The following INPPL1 variants were observed in gnomAD, a reference collection of about 807,000 sequenced individuals.
INPPL1 encodes the protein phosphatidylinositol 3,4,5-trisphosphate 5-phosphatase 2.
Under a neutral mutation model 139.3 loss-of-function variants are expected in INPPL1, and 91 were observed. The ratio of observed to expected loss-of-function variants is 0.65; its 90% CI spans 0.55 to 0.78. The LOEUF (loss-of-function observed/expected upper bound fraction) is 0.78. Among genes scored for constraint, INPPL1 ranks in the 30% least tolerant of loss-of-function variants. The pLI is 0.00. For missense variants in INPPL1, 1,411 were observed against 1,665.6 expected, an observed-to-expected ratio of 0.85 and a Z score of 2.66; for synonymous variants, 719 against 686.6, an observed-to-expected ratio of 1.05 and a Z score of -0.74.
At position 72,238,116 on chromosome 11, in the gene INPPL1, CTTGG is replaced by C; in HGVS notation, c.3628_3631del (p.Leu1210SerfsTer57). The C allele has an allele frequency of 1.3e-6, 2 of 1,581,190 alleles. No homozygotes were observed. Among genetic ancestry groups the C allele is most frequent in the Non-Finnish European group, 1.7e-6 (2 of 1,163,850 alleles). ...TGAGTGCCTGGCTGCGGGCCATCGGCTTGGAGCGCTATGAGGAGGGCCTGGTGCA... is the reference window on the plus strand; with the variant it reads ...TGAGTGCCTGGCTGCGGGCCATCGGCAGCGCTATGAGGAGGGCCTGGTGCA... On this transcript the variant is annotated frameshift_variant, in exon 27 of 28. Transcript: ENST00000298229. LOFTEE classifies it high-confidence loss of function.
Position 72,238,195 on chromosome 11 carries a change from C to CG in INPPL1, c.3686+25dup. On this transcript the variant is annotated intron_variant, in intron 27 of 27. Coordinates refer to ENST00000298229, the MANE Select transcript of INPPL1 (RefSeq NM_001567.4). ...TCTCAGGTGGGGGAGGGGCTGGCCCCGGGGGCGGAGCTGGGGCCCTCAGGA... is the reference window on the plus strand; with the variant it reads ...TCTCAGGTGGGGGAGGGGCTGGCCCCGGGGGGCGGAGCTGGGGCCCTCAGGA... 1 of 1,610,992 alleles carries CG rather than the reference C, an allele frequency of 6.2e-7. No homozygotes were observed. The highest frequency in any genetic ancestry group is 8.5e-7 in the Non-Finnish European group (1 of 1,178,536).
chr11:72,226,739 G>A (rs1423306154), intron 1 of INPPL1, among the ~76,000 whole-genome samples: 1 of 152,180 alleles, frequency 6.6e-6, no homozygotes, highest in Non-Finnish European at 1.5e-5. Flanking sequence ...GGACAGACTA[G>A]GCAGATGAAT....
chr11:72,234,193 A>T lies in INPPL1; in HGVS notation c.2213-88A>T, dbSNP rs1948916447. The T allele has an allele frequency of 9.5e-7, 1 of 1,049,030 alleles. No homozygotes were observed. Among genetic ancestry groups the T allele is most frequent in the Non-Finnish European group, 1.5e-6 (1 of 682,212 alleles). The allele number at this position is 1,049,030 out of a possible 1,614,324, so 65.0% of individuals were successfully genotyped here. ...CCTGCCTCCTTGCTCTGGACCCCTG[A>T]TTTCCTGTCCCAGGGCCCTGTTTCT... is the stretch of plus-strand genomic sequence containing the variant. On this transcript the variant is annotated intron_variant, in intron 19 of 27. Coordinates refer to ENST00000298229, the MANE Select transcript of INPPL1 (RefSeq NM_001567.4). This position sits in a 1 kb window ranked among gnomAD's most constrained non-coding sequence, Gnocchi z 4.2.
rs778596194 is a variant in INPPL1 at position 72,229,664 on chromosome 11, A to G, written c.755A>G (p.Asn252Ser). Residue 252 changes from asparagine (N) to serine (S), a missense_variant and splice_region_variant, in exon 7 of 28, where the codon AAC (asparagine) becomes AGC (serine). This residue lies in a region of INPPL1 where 504 missense variants were observed against 595.6 expected (regional missense o/e 0.85). Transcript: ENST00000298229. ...AAGCCTGGTTCTTCCTCCCCCCAGA[A>G]CCTGCCACAGACAGGGGAGCAGGAA... ...PMVTRLLQQQ[N>S]LPQTGEQELE... is the part of the protein sequence containing the mutation. 1 of 1,613,290 alleles carries G rather than the reference A, an allele frequency of 6.2e-7. No homozygotes were observed. Among genetic ancestry groups the G allele is most frequent in the African/African-American group, 1.3e-5 (1 of 74,974 alleles).
In INPPL1 at chr11:72,233,535, C is replaced by T. The variant is rs377183327; in HGVS notation, c.2122+13C>T. 7 of 1,612,922 alleles carry T rather than the reference C, an allele frequency of 4.3e-6. No homozygotes were observed. The highest frequency in any genetic ancestry group is 2.2e-5 in the East Asian group (1 of 44,894). On this transcript the variant is annotated intron_variant, in intron 18 of 27. Coordinates refer to ENST00000298229, the MANE Select transcript of INPPL1 (RefSeq NM_001567.4). ...TGCAATTCTTATGGTCAGAGCCTCC[C>T]GGACAGAGTGATGGGAGATCTGGGG... is the stretch of plus-strand genomic sequence containing the variant.
At position 72,230,803 on chromosome 11, in the gene INPPL1, A is replaced by C; in HGVS notation, c.1205A>C (p.Glu402Ala). 6.2e-7 allele frequency: 1 copy of C among 1,613,850 alleles called. No individual in the cohort carries two copies. The highest frequency in any genetic ancestry group is 8.5e-7 in the Non-Finnish European group (1 of 1,179,912). Residue 402 changes from glutamate (E) to alanine (A), a missense_variant, in exon 11 of 28, where the codon GAG becomes GCG. By Grantham distance (107) the Glu-to-Ala change is moderately radical. This residue lies in a region of INPPL1 where 504 missense variants were observed against 595.6 expected (regional missense o/e 0.85). Transcript: ENST00000298229. ...TGGCTGCTGTTCCCCCAGAAGCGGG[A>C]GGCCTTCTGCCAGCTGTTGCAGCTC... The part of the protein sequence containing the change: ...DFIFVSARKR[E>A]AFCQLLQLMK...
At chr11:72,236,514 A>C (rs1948993198) in intron 25 of INPPL1, among the ~76,000 whole-genome samples, 1 of 152,236 alleles carries the variant, frequency 6.6e-6, no homozygotes, top group Non-Finnish European at 1.5e-5. Flanking sequence ...TCCCAAACTT[A>C]ATGGGCCAGG....
chr11:72,224,089 G>A (rs1452364560), upstream of INPPL1: 1 of 152,278 alleles, frequency 6.6e-6, no homozygotes, highest in Admixed American at 6.5e-5. Context: ...GGTGGTGCTG[G>A]GGAACTTGGC....
Position 72,230,483 on chromosome 11 carries a change from G to A in INPPL1, c.1197+15G>A, listed in dbSNP as rs759794641. ...TCAGTGCCCGGGTGAGCAGCAGGCT[G>A]GGCCAGGCCACTGGGGACTGCGGGG... On this transcript the variant is annotated intron_variant, in intron 10 of 27. Transcript: ENST00000298229. 1.2e-6 allele frequency: 2 copies of A among 1,612,132 alleles called. No individual in the cohort carries two copies. The highest frequency in any genetic ancestry group is 4.5e-5 in the East Asian group (2 of 44,866).
Position 72,233,965 on chromosome 11 carries a change from CCTAT to C in INPPL1, c.2212+226_2212+229del, listed in dbSNP as rs574790730. Among the ~76,000 whole-genome samples, 175 of 152,188 alleles carry C rather than the reference CCTAT, an allele frequency of 1.1e-3. 1 individual carries two copies. Among genetic ancestry groups the C allele is most frequent in the African/African-American group, 3.9e-3 (163 of 41,532 alleles). On this transcript the variant is annotated intron_variant, in intron 19 of 27. Coordinates refer to ENST00000298229, the MANE Select transcript of INPPL1 (RefSeq NM_001567.4). ...GTGTGTGTGCATACGTGAGTGTACA[CCTAT>C]CTATGTGTCTGTGTCTGTCTAGGGC...
intron 5 of INPPL1, 64 bp from the exon 6 acceptor site, chr11:72,229,401 C>T: frequency 2.0e-6 from 3 of 1,515,302 alleles, no homozygotes. Context: ...GAGGCTACAC[C>T]CAGCGCCCCC....
intron 26 of INPPL1, 105 bp from the exon 27 acceptor site, chr11:72,237,937 A>G: frequency 6.9e-7 from 1 of 1,447,748 alleles, no homozygotes; most frequent in South Asian, 1.4e-5. Context: ...CACATGTATC[A>G]GCCCAGCCCT....
At position 72,234,209 on chromosome 11, in the gene INPPL1, C is replaced by A; in HGVS notation, c.2213-72C>A. ...GGACCCCTGATTTCCTGTCCCAGGG[C>A]CCTGTTTCTCTGTCCCATTCCTCCT... On this transcript the variant is annotated intron_variant, in intron 19 of 27. Coordinates refer to ENST00000298229, the MANE Select transcript of INPPL1 (RefSeq NM_001567.4). This position sits in a 1 kb window ranked among gnomAD's most constrained non-coding sequence, Gnocchi z 4.2. 2 of 1,191,052 alleles carry A rather than the reference C, an allele frequency of 1.7e-6. No homozygotes were observed. Among genetic ancestry groups the A allele is most frequent in the South Asian group, 1.2e-5 (1 of 80,670 alleles). 73.8% of individuals were successfully genotyped at this position (1,191,052 alleles called of 1,614,324 possible). A position where few individuals can be genotyped will look rare whatever the true frequency, so the allele number is the denominator to read the frequency against.
rs1297585057 is a variant in INPPL1, at chr11:72,230,990, C to G, written c.1301-3C>G. ...AGACCCACCTCACCCCCTTCACCTC[C>G]AGGAAGTGTACCACCTCCAAAAAAC... On this transcript the variant is annotated splice_region_variant and splice_polypyrimidine_tract_variant and intron_variant, in intron 11 of 27. Transcript: ENST00000298229. 1.2e-6 allele frequency: 2 copies of G among 1,612,768 alleles called. No homozygotes were observed. Among genetic ancestry groups the G allele is most frequent in the Non-Finnish European group, 1.7e-6 (2 of 1,179,266 alleles).
rs769105797 is a variant in INPPL1, at chr11:72,238,336, C to T, written c.3760C>T (p.Leu1254=). The T allele has an allele frequency of 6.4e-7, 1 of 1,564,952 alleles. No individual in the cohort carries two copies. The highest frequency in any genetic ancestry group is 8.6e-7 in the Non-Finnish European group (1 of 1,157,468). Residue 1254 remains leucine (L), a synonymous_variant, in exon 28 of 28, where the codon CTG becomes TTG. Coordinates refer to ENST00000298229, the MANE Select transcript of INPPL1 (RefSeq NM_001567.4). ...TCACAAGCGCCTCCTTCTGGACACC[C>T]TGCAGCTCAGCAAGTGATAGCGGAG... ...PAHKRLLLDT[L]QLSK
Position 72,238,313 on chromosome 11 carries a change from A to T in INPPL1, c.3737A>T (p.His1246Leu), listed in dbSNP as rs1420528415. 4 of 1,594,344 alleles carry T rather than the reference A, an allele frequency of 2.5e-6. No homozygotes were observed. Among genetic ancestry groups the T allele is most frequent in the Non-Finnish European group, 3.4e-6 (4 of 1,171,772 alleles). The change falls in exon 28 of 28, where the codon CAC (histidine) becomes CTC (leucine). Residue 1246 changes from histidine to leucine, a missense_variant. His to Leu is a moderately conservative substitution (Grantham distance 99). Transcript: ENST00000298229. Reference sequence around the variant, plus strand: ...GAGGCTGGGGTGCAGGACCCGGCTCACAAGCGCCTCCTTCTGGACACCCTG... The same window carrying T: ...GAGGCTGGGGTGCAGGACCCGGCTCTCAAGCGCCTCCTTCTGGACACCCTG... ...LEEAGVQDPA[H>L]KRLLLDTLQL...
rs2135433494 is a variant in INPPL1, at chr11:72,232,722, C to T, written c.1809C>T (p.Phe603=). The T allele has an allele frequency of 1.2e-6, 2 of 1,614,052 alleles. No homozygotes were observed. The highest frequency in any genetic ancestry group is 1.7e-6 in the Non-Finnish European group (2 of 1,180,022). The change falls in exon 15 of 28, where the codon TTC becomes TTT. Residue 603 remains phenylalanine, a synonymous_variant. Transcript: ENST00000298229. The stretch of plus-strand genomic sequence containing the variant: ...TCTCTCTGCGTTTCACACACCTCTT[C>T]TGGTTTGGGGACCTCAACTACCGCC... The part of the protein sequence containing the change: ...FDISLRFTHL[F]WFGDLNYRLD...
intron 11 of INPPL1, 32 bp downstream of exon 11, chr11:72,230,930 G>A: frequency 6.2e-7 from 1 of 1,612,910 alleles, no homozygotes; most frequent in Non-Finnish European, 8.5e-7. Context: ...GGGCGGGAGA[G>A]AGGGATGGCC....
chr11:72,228,397 T>C lies in INPPL1; in HGVS notation c.296T>C (p.Ile99Thr). 1 of 1,613,222 alleles carries C rather than the reference T, an allele frequency of 6.2e-7. No homozygotes were observed. Among genetic ancestry groups the C allele is most frequent in the Non-Finnish European group, 8.5e-7 (1 of 1,179,990 alleles). The stretch of plus-strand genomic sequence containing the variant: ...CGCTTCCAGACCCTGGGTGAGCTCA[T>C]CGGCCTGTACGCCCAGCCCAACCAG... Reference protein sequence around the residue: ...VRRFQTLGELIGLYAQPNQGL... With the variant: ...VRRFQTLGELTGLYAQPNQGL... Residue 99 changes from isoleucine (I) to threonine (T), a missense_variant, in exon 3 of 28, where the codon ATC (isoleucine) becomes ACC (threonine). By Grantham distance (89) the Ile-to-Thr change is moderately conservative. This residue lies in a region of INPPL1 where 504 missense variants were observed against 595.6 expected (regional missense o/e 0.85). Transcript: ENST00000298229. The surrounding 1 kb of genome is among the most constrained non-coding windows in gnomAD (Gnocchi z 5.0).
Sources: allele counts gnomAD v4.1 joint callset (sites outside exome capture counted in the v4.1 genomes callset), GRCh38; gene constraint gnomAD v4.1.1; regional missense constraint gnomAD v4.1.1; non-coding constraint Gnocchi (gnomAD v3.1); transcripts MANE v1.5; gene names NCBI Gene and HGNC (gene_info 2026-07-23, HGNC 2026-07-21).